The following AGAP1 variants were observed in gnomAD, a reference collection of about 807,000 sequenced individuals.
AGAP1 encodes ArfGAP with GTPase domain, ankyrin repeat and PH domain 1, also known as arf-GAP with GTPase, ANK repeat and PH domain-containing protein 1.
A neutral mutation model predicts 105.3 loss-of-function variants in AGAP1; 29 were observed. That is an observed-to-expected ratio of 0.28 (90% CI 0.21 to 0.38). The LOEUF is 0.38. AGAP1 is among the 10% of genes least tolerant of loss of function. AGAP1 has a pLI of 1.00. For missense variants in AGAP1, 998 were observed against 1,165.1 expected, an observed-to-expected ratio of 0.86 and a Z score of 2.09; for synonymous variants, 509 against 485.9, an observed-to-expected ratio of 1.05 and a Z score of -0.63.
intron 1 of AGAP1, chr2:235,670,418 CG>C: frequency 1.8e-6 from 1 of 559,306 alleles, no homozygotes; most frequent in Non-Finnish European, 3.2e-6. Flanking sequence ...GGAACTGGGG[CG>C]GCTCCGGCCG....
chr2:235,557,032 G>C lies in AGAP1; in HGVS notation c.163+62183G>C, dbSNP rs760792482. Among the ~76,000 whole-genome samples, 2 of 152,204 alleles carry C rather than the reference G, an allele frequency of 1.3e-5. No homozygotes were observed. The highest frequency in any genetic ancestry group is 1.3e-4 in the Admixed American group (2 of 15,288). On this transcript the variant is annotated intron_variant, in intron 1 of 17. Transcript: ENST00000304032. This position sits in a 1 kb window ranked among gnomAD's most constrained non-coding sequence, Gnocchi z 4.7. Reference sequence around the variant, plus strand: ...TGGAGGTTGGGGGGCGGATCCCGAAGGCAGACTTGGCCTTCCCAGCTGGCG... The same window carrying C: ...TGGAGGTTGGGGGGCGGATCCCGAACGCAGACTTGGCCTTCCCAGCTGGCG...
intron 1 of AGAP1, among the ~76,000 whole-genome samples, chr2:235,510,599 A>G (rs1047337356): frequency 5.9e-5 from 9 of 152,120 alleles, no homozygotes; most frequent in African/African-American, 2.2e-4. Context: ...TGGGTATATA[A>G]TTAACTTTTA....
intron 10 of AGAP1, among the ~76,000 whole-genome samples, chr2:235,898,177 A>G (rs2050896805): frequency 6.6e-6 from 1 of 152,228 alleles, no homozygotes; most frequent in African/African-American, 2.4e-5. Flanking sequence ...CCTGCCCCGC[A>G]GGGCACTTGA....
intron 16 of AGAP1, among the ~76,000 whole-genome samples, chr2:236,060,675 G>T (rs983001234): frequency 6.6e-6 from 1 of 151,788 alleles, no homozygotes; most frequent in South Asian, 2.1e-4. Context: ...AGCCTGGGCC[G>T]CAGAGTGAGA....
chr2:235,817,990 A>C (rs774388297), intron 9 of AGAP1, among the ~76,000 whole-genome samples: 12 of 152,354 alleles, frequency 7.9e-5, no homozygotes, highest in Middle Eastern at 6.8e-3. Context: ...ACTGGTGAAA[A>C]CAGAAACATT....
Position 235,875,746 on chromosome 2 carries a change from ACC to A in AGAP1, c.1051-7598_1051-7597del, listed in dbSNP as rs761632412. ...ACTTGTGTGTTAGTTGTGCACAGAT[ACC>A]TACACTTCCCACTGCCCGACAGTAC... On this transcript the variant is annotated intron_variant, in intron 9 of 17. Transcript: ENST00000304032. This position sits in a 1 kb window ranked among gnomAD's most constrained non-coding sequence, Gnocchi z 4.0. Among the ~76,000 whole-genome samples, 1 of 152,128 alleles carries A rather than the reference ACC, an allele frequency of 6.6e-6. No homozygotes were observed. The highest frequency in any genetic ancestry group is 1.5e-5 in the Non-Finnish European group (1 of 68,030).
chr2:236,026,917 T>A (rs1408025627), intron 13 of AGAP1, among the ~76,000 whole-genome samples: 1 of 152,208 alleles, frequency 6.6e-6, no homozygotes, highest in South Asian at 2.1e-4. Flanking sequence ...CTCCTTTTTT[T>A]AAATGTTAAT....
chr2:236,111,884 T>A (rs776993508), intron 16 of AGAP1, among the ~76,000 whole-genome samples: 4 of 152,092 alleles, frequency 2.6e-5, no homozygotes, highest in Non-Finnish European at 5.9e-5. Context: ...CCCCAGTCAC[T>A]TGAGGACAGA....
chr2:235,765,946 C>T (rs1193972035), intron 6 of AGAP1, among the ~76,000 whole-genome samples: 2 of 152,134 alleles, frequency 1.3e-5, no homozygotes, highest in African/African-American at 4.8e-5. Context: ...GGACAGAGAC[C>T]CCACCTAGCT....
intron 1 of AGAP1, among the ~76,000 whole-genome samples, chr2:235,667,892 G>A (rs1289929255): frequency 1.3e-5 from 2 of 150,224 alleles, no homozygotes; most frequent in Non-Finnish European, 2.9e-5. Flanking sequence ...CCAGGAGGTG[G>A]AGGTTGCAGG....
rs547276020 is a variant in AGAP1, at chr2:235,661,870, C to T, written c.164-47309C>T. 3.2e-4 allele frequency among the ~76,000 whole-genome samples: 49 copies of T among 152,216 alleles called. 1 individual carries two copies. The highest frequency in any genetic ancestry group is 2.1e-3 in the South Asian group (10 of 4,820). ...GGCCTCTGCTGGACAGAGAAGGAGG[C>T]GCCAGGAGGCAGCTCTGAGTTGGGA... On this transcript the variant is annotated intron_variant, in intron 1 of 17. Transcript: ENST00000304032.
Position 236,121,911 on chromosome 2 carries a change from G to A in AGAP1, c.2370+1464G>A, listed in dbSNP as rs138024942. 5.3e-5 allele frequency among the ~76,000 whole-genome samples: 8 copies of A among 152,168 alleles called. No individual in the cohort carries two copies. The highest frequency in any genetic ancestry group is 8.8e-5 in the Non-Finnish European group (6 of 68,018). ...CGCCCTCTCCCTATGTTCTCACAGG[G>A]CCTTTCCTCTGCACTCGCTCCTGGT... On this transcript the variant is annotated intron_variant, in intron 17 of 17. Transcript: ENST00000304032. The surrounding 1 kb of genome is among the most constrained non-coding windows in gnomAD (Gnocchi z 4.9).
chr2:235,719,596 A>AT lies in AGAP1; in HGVS notation c.310+1957dup, dbSNP rs1212043259. Among the ~76,000 whole-genome samples the AT allele has an allele frequency of 1.3e-5, 2 of 152,208 alleles. No homozygotes were observed. The highest frequency in any genetic ancestry group is 2.9e-5 in the Non-Finnish European group (2 of 68,040). ...TGTGTATGGTTTTTAAAAATACATT[A>AT]TTTTTAAGAGTAGGAGCGTGGGTGA... On this transcript the variant is annotated intron_variant, in intron 3 of 17. Coordinates refer to ENST00000304032, the MANE Select transcript of AGAP1 (RefSeq NM_001037131.3). This position sits in a 1 kb window ranked among gnomAD's most constrained non-coding sequence, Gnocchi z 4.9.
At chr2:235,619,213 G>A (rs1946398061) in intron 1 of AGAP1, among the ~76,000 whole-genome samples, 1 of 152,208 alleles carries the variant, frequency 6.6e-6, no homozygotes, top group Non-Finnish European at 1.5e-5. Context: ...TGTTACAGTG[G>A]TAATAGGGAA....
chr2:235,550,622 G>A lies in AGAP1; in HGVS notation c.163+55773G>A, dbSNP rs1161408658. On this transcript the variant is annotated intron_variant, in intron 1 of 17. Coordinates refer to ENST00000304032, the MANE Select transcript of AGAP1 (RefSeq NM_001037131.3). The surrounding 1 kb of genome is among the most constrained non-coding windows in gnomAD (Gnocchi z 4.6). Reference sequence around the variant, plus strand: ...CAGGTGTGTTTGCCGCAGAGGTGCCGAGGGCCCAGCAGGACTGTAGCACAG... The same window carrying A: ...CAGGTGTGTTTGCCGCAGAGGTGCCAAGGGCCCAGCAGGACTGTAGCACAG... Among the ~76,000 whole-genome samples, 1 of 152,164 alleles carries A rather than the reference G, an allele frequency of 6.6e-6. No individual in the cohort carries two copies. Among genetic ancestry groups the A allele is most frequent in the African/African-American group, 2.4e-5 (1 of 41,444 alleles).
In AGAP1 at chr2:236,119,202, AC is replaced by A. The variant is rs2059843513; in HGVS notation, c.2115-988del. ...GGCATCAGCATCATCCACTCTCCAC[AC>A]CTCCGACCCCATCCACCCCCTCCCC... On this transcript the variant is annotated intron_variant, in intron 16 of 17. Coordinates refer to ENST00000304032, the MANE Select transcript of AGAP1 (RefSeq NM_001037131.3). This position sits in a 1 kb window ranked among gnomAD's most constrained non-coding sequence, Gnocchi z 6.6. Among the ~76,000 whole-genome samples the A allele has an allele frequency of 1.3e-5, 2 of 150,770 alleles. No individual in the cohort carries two copies. The highest frequency in any genetic ancestry group is 1.3e-4 in the Admixed American group (2 of 15,146).
intron 1 of AGAP1, among the ~76,000 whole-genome samples, chr2:235,654,387 A>G (rs1328003339): frequency 3.3e-5 from 5 of 152,222 alleles, no homozygotes; most frequent in Non-Finnish European, 7.3e-5. Flanking sequence ...TTAACTGTGT[A>G]ACTACAATAG....
intron 2 of AGAP1, among the ~76,000 whole-genome samples, chr2:235,717,256 G>A (rs1044795550): frequency 6.6e-6 from 1 of 152,168 alleles, no homozygotes; most frequent in African/African-American, 2.4e-5. Flanking sequence ...CTAACTCAAG[G>A]AACACAGCCC....
chr2:235,987,672 T>C (rs2055379548), intron 13 of AGAP1, among the ~76,000 whole-genome samples: 1 of 152,178 alleles, frequency 6.6e-6, no homozygotes, highest in African/African-American at 2.4e-5. Flanking sequence ...CTGAACACTG[T>C]TTTAGCGGTA....
Sources: allele counts gnomAD v4.1 joint callset (sites outside exome capture counted in the v4.1 genomes callset), GRCh38; gene constraint gnomAD v4.1.1; non-coding constraint Gnocchi (gnomAD v3.1); transcripts MANE v1.5; gene names NCBI Gene and HGNC (gene_info 2026-07-23, HGNC 2026-07-21).